Variants in ELL observed in about 807,000 individuals in gnomAD.
The protein encoded by ELL is elongation factor for RNA polymerase II, also known as RNA polymerase II elongation factor ELL.
A neutral mutation model predicts 64.0 loss-of-function variants in ELL; 18 were observed. The observed-to-expected ratio is 0.28, with a 90% CI of 0.19 to 0.42. The LOEUF (loss-of-function observed/expected upper bound fraction) is 0.42, where lower values mean the gene tolerates loss of function less well. Among genes scored for constraint, ELL ranks in the 10% least tolerant of loss-of-function variants. The pLI, the probability that ELL is intolerant of heterozygous loss-of-function variation, is 1.00. For synonymous variants in ELL, 399 were observed against 376.2 expected (o/e 1.06, Z -0.70); for missense variants, 797 against 870.4 (o/e 0.92, Z 1.06).
At chr19:18,518,239 C>A (rs539328263) in intron 1 of ELL, among the ~76,000 whole-genome samples, 33 of 152,278 alleles carry the variant, frequency 2.2e-4, no homozygotes, top group African/African-American at 7.5e-4. Context: ...ATGGCTCACT[C>A]TTGTAATTAC....
At chr19:18,446,998 G>A (rs1568374121) in intron 8 of ELL, among the ~76,000 whole-genome samples, 184 bp from the exon 9 acceptor site, 1 of 152,252 alleles carries the variant, frequency 6.6e-6, no homozygotes, top group Non-Finnish European at 1.5e-5. Flanking sequence ...GCAACTGTGG[G>A]CTGCTGGACC....
At chr19:18,456,748 A>C (rs1170111002) in intron 6 of ELL, among the ~76,000 whole-genome samples, 2 of 152,134 alleles carry the variant, frequency 1.3e-5, no homozygotes, top group Non-Finnish European at 2.9e-5. Context: ...CACCCCCCAA[A>C]GCCACATGTG....
At chr19:18,476,347 C>G (rs1971093) in intron 1 of ELL, among the ~76,000 whole-genome samples, 44,408 of 152,152 alleles carry the variant, frequency 0.29, 7,775 homozygotes, top group African/African-American at 0.49. Flanking sequence ...AGTGATGATG[C>G]TGAGGCCAGT....
chr19:18,493,960 T>TAG (rs1975589471), intron 1 of ELL, among the ~76,000 whole-genome samples: 1 of 152,110 alleles, frequency 6.6e-6, no homozygotes, highest in South Asian at 2.1e-4. Context: ...CCCAAGCAGG[T>TAG]AGACAGAAAC....
chr19:18,459,161 G>A (rs2144909424), intron 5 of ELL, among the ~76,000 whole-genome samples: 1 of 152,320 alleles, frequency 6.6e-6, no homozygotes, highest in East Asian at 1.9e-4. Context: ...ACAGGCGTGA[G>A]CCACCGCGCT....
intron 6 of ELL, among the ~76,000 whole-genome samples, chr19:18,451,937 C>T (rs187824983): frequency 1.1e-3 from 165 of 152,310 alleles, no homozygotes; most frequent in Non-Finnish European, 1.7e-3. Context: ...GGGTGCTGGA[C>T]CCTGCTTTTA....
chr19:18,469,296 C>A (rs1197341238), intron 2 of ELL, among the ~76,000 whole-genome samples: 3 of 152,222 alleles, frequency 2.0e-5, no homozygotes, highest in Admixed American at 2.0e-4. Flanking sequence ...CCCTAGCACA[C>A]GAAGCGCTAT....
rs566264187 is a variant in ELL, at chr19:18,500,131, G to A, written c.135+21790C>T. The stretch of plus-strand genomic sequence containing the variant: ...ACAAAAATTATCTGGGCATGGTGGC[G>A]GGTGCCTGTAACCCCAGCTACTCAG... On this transcript the variant is annotated intron_variant, in intron 1 of 11. Coordinates refer to ENST00000262809, the MANE Select transcript of ELL (RefSeq NM_006532.4). 2.5e-3 allele frequency among the ~76,000 whole-genome samples: 380 copies of A among 152,166 alleles called. 1 individual carries two copies. The highest frequency in any genetic ancestry group is 8.7e-3 in the African/African-American group (362 of 41,508).
rs1175688994 is a variant in ELL at position 18,466,033 on chromosome 19, C to T, written c.184-115G>A. 9.3e-6 allele frequency: 10 copies of T among 1,079,386 alleles called. No homozygotes were observed. In the African/African-American group the frequency reaches 1.3e-4, roughly 14 times the overall value. The allele number at this position is 1,079,386 out of a possible 1,614,324, so 66.9% of individuals were successfully genotyped here. On this transcript the variant is annotated intron_variant, in intron 2 of 11. Coordinates refer to ENST00000262809, the MANE Select transcript of ELL (RefSeq NM_006532.4). ...ACCCTCACAACAGGAATGTGCTGGC[C>T]CTTTTCCCTAAAACACACCCCTGCT...
chr19:18,449,276 G>A lies in ELL; in HGVS notation c.1465+1201C>T, dbSNP rs1974475092. Among the ~76,000 whole-genome samples, 1 of 152,112 alleles carries A rather than the reference G, an allele frequency of 6.6e-6. No homozygotes were observed. Among genetic ancestry groups the A allele is most frequent in the South Asian group, 2.1e-4 (1 of 4,828 alleles). ...CCAAGGGTCTCAAATGGCAGATCCT[G>A]CCATTTGATCGTGGCCCAGGTCTGG... On this transcript the variant is annotated intron_variant, in intron 8 of 11. Coordinates refer to ENST00000262809, the MANE Select transcript of ELL (RefSeq NM_006532.4). This position sits in a 1 kb window ranked among gnomAD's most constrained non-coding sequence, Gnocchi z 4.4.
intron 7 of ELL, 127 bp downstream of exon 7, chr19:18,451,425 G>C: frequency 1.1e-6 from 1 of 892,442 alleles, no homozygotes; most frequent in Non-Finnish European, 1.6e-6. Context: ...CTGGGCGGAG[G>C]GAGGCGGCTC....
At chr19:18,491,393 G>A (rs887336284) in intron 1 of ELL, among the ~76,000 whole-genome samples, 1 of 150,284 alleles carries the variant, frequency 6.7e-6, no homozygotes, top group Non-Finnish European at 1.5e-5. Context: ...GATTACAGGT[G>A]TGAGTCACTC....
intron 1 of ELL, among the ~76,000 whole-genome samples, chr19:18,507,145 G>A (rs557428558): frequency 5.9e-5 from 9 of 152,312 alleles, no homozygotes; most frequent in Admixed American, 2.6e-4. Flanking sequence ...ACAAGCAGGC[G>A]TCTGAGAGCA....
intron 1 of ELL, among the ~76,000 whole-genome samples, chr19:18,497,769 G>A (rs4808134): frequency 0.47 from 67,057 of 144,136 alleles, 17,716 homozygotes; most frequent in African/African-American, 0.75. Context: ...GTGAGCTATG[G>A]TTATGCTACT....
At chr19:18,455,045 G>T (rs1222930225) in intron 6 of ELL, among the ~76,000 whole-genome samples, 2 of 150,188 alleles carry the variant, frequency 1.3e-5, no homozygotes, top group Non-Finnish European at 3.0e-5. Context: ...GGAGGCTGAG[G>T]CAGGAGAATT....
At chr19:18,503,872 C>T (rs572080199) in intron 1 of ELL, among the ~76,000 whole-genome samples, 2 of 152,298 alleles carry the variant, frequency 1.3e-5, no homozygotes, top group East Asian at 3.9e-4. Context: ...ATGCACCTGG[C>T]TAACTGGAGT....
chr19:18,507,839 T>A (rs912149515), intron 1 of ELL, among the ~76,000 whole-genome samples: 1 of 152,134 alleles, frequency 6.6e-6, no homozygotes, highest in African/African-American at 2.4e-5. Flanking sequence ...AGACACAGGT[T>A]CTGCGGGCCC....
At chr19:18,497,642 G>A (rs1975685616) in intron 1 of ELL, among the ~76,000 whole-genome samples, 1 of 151,646 alleles carries the variant, frequency 6.6e-6, no homozygotes, top group African/African-American at 2.4e-5. Context: ...AACACAGCAA[G>A]ACTGTCTAAA....
At chr19:18,514,309 C>G (rs866906048) in intron 1 of ELL, among the ~76,000 whole-genome samples, 6 of 151,776 alleles carry the variant, frequency 4.0e-5, no homozygotes, top group Non-Finnish European at 7.4e-5. Context: ...GTCAAGAGAT[C>G]GAGACCATCC....
Sources: allele counts gnomAD v4.1 joint callset (sites outside exome capture counted in the v4.1 genomes callset), GRCh38; gene constraint gnomAD v4.1.1; non-coding constraint Gnocchi (gnomAD v3.1); transcripts MANE v1.5; gene names NCBI Gene and HGNC (gene_info 2026-07-23, HGNC 2026-07-21).